The following LAMC3 variants were observed in gnomAD, a reference collection of about 807,000 sequenced individuals.
The protein encoded by LAMC3 is laminin subunit gamma 3.
LAMC3 carries 128 observed loss-of-function variants against 173.8 expected under a neutral mutation model. The ratio of observed to expected loss-of-function variants is 0.74; its 90% CI spans 0.64 to 0.85. The LOEUF is 0.85. Among genes scored for constraint, LAMC3 ranks in the 40% least tolerant of loss-of-function variants. The pLI is 0.00. For missense variants in LAMC3, 2,022 were observed against 2,156.0 expected (o/e 0.94, Z 1.23); for synonymous variants, 897 against 909.1 (o/e 0.99, Z 0.24).
intron 6 of LAMC3, among the ~76,000 whole-genome samples, chr9:131,041,006 T>C (rs1834042129): frequency 6.6e-6 from 1 of 151,944 alleles, no homozygotes; most frequent in Admixed American, 6.6e-5. Flanking sequence ...AATGGGTGGA[T>C]AGGTGGCTGC....
intron 15 of LAMC3, 58 bp downstream of exon 15, chr9:131,068,289 C>G: frequency 6.4e-7 from 1 of 1,555,322 alleles, no homozygotes; most frequent in Non-Finnish European, 8.8e-7. Flanking sequence ...AAGAAGGCAT[C>G]GGGCAGCCCC....
At position 131,073,389 on chromosome 9, in the gene LAMC3, C is replaced by T. The variant is rs76333280; in HGVS notation, c.3494+68C>T. ...TGGGGGTTCCAGGGTCAGAGTCAGC[C>T]CCACAGGTGCCCCCACCCAGAAGTT... On this transcript the variant is annotated intron_variant, in intron 20 of 27. Coordinates refer to ENST00000361069, the MANE Select transcript of LAMC3 (RefSeq NM_006059.4). 3.9e-3 allele frequency: 4,489 copies of T among 1,156,870 alleles called. 8 individuals are homozygous for T. The highest frequency in any genetic ancestry group is 4.8e-3 in the Non-Finnish European group (3,658 of 766,740). The allele number at this position is 1,156,870 out of a possible 1,614,324, so 71.7% of individuals were successfully genotyped here. A position where few individuals can be genotyped will look rare whatever the true frequency, so the allele number is the denominator to read the frequency against.
intron 8 of LAMC3, among the ~76,000 whole-genome samples, chr9:131,047,192 T>G (rs1327261813): frequency 1.8e-5 from 2 of 111,772 alleles, no homozygotes; most frequent in African/African-American, 5.6e-5. Context: ...TAAGACGGAG[T>G]CTCACTGTGT....
chr9:131,057,690 A>G (rs1829718103), intron 12 of LAMC3, among the ~76,000 whole-genome samples: 1 of 152,174 alleles, frequency 6.6e-6, no homozygotes, highest in African/African-American at 2.4e-5. Context: ...TGTAAGGTGG[A>G]GATAATGACA....
At chr9:131,086,470 C>T (rs183378175) in intron 25 of LAMC3, among the ~76,000 whole-genome samples, 1 of 151,134 alleles carries the variant, frequency 6.6e-6, no homozygotes, top group East Asian at 2.0e-4. Flanking sequence ...TACAGTAGCA[C>T]AATCACAGCT....
At chr9:131,060,725 G>A (rs1004314632) in intron 12 of LAMC3, among the ~76,000 whole-genome samples, 55 of 152,238 alleles carry the variant, frequency 3.6e-4, no homozygotes, top group Non-Finnish European at 1.5e-5. Context: ...TTGAATGCAT[G>A]GTCTTGTTGG....
chr9:131,058,607 A>G (rs1461240732), intron 12 of LAMC3, among the ~76,000 whole-genome samples: 1 of 151,344 alleles, frequency 6.6e-6, no homozygotes, highest in Non-Finnish European at 1.5e-5. Context: ...TCCTGAAAAG[A>G]CGGTAGCCAG....
At chr9:131,064,278 A>G (rs1829883105) in intron 13 of LAMC3, among the ~76,000 whole-genome samples, 3 of 152,192 alleles carry the variant, frequency 2.0e-5, no homozygotes, top group African/African-American at 7.2e-5. Flanking sequence ...TATTCTTCAC[A>G]ATGGCAGCAG....
chr9:131,069,845 G>C lies in LAMC3; in HGVS notation c.3064G>C (p.Glu1022Gln). ...TCCGTCCTGCTACGCCCTGGTGAAGGAGGAGGTGAGTCGGCCCAGACCCAC... is the reference window on the plus strand; with the variant it reads ...TCCGTCCTGCTACGCCCTGGTGAAGCAGGAGGTGAGTCGGCCCAGACCCAC... ...QCPSCYALVKEEAAKLKARLT... is the reference protein window; with the variant it reads ...QCPSCYALVKQEAAKLKARLT... Residue 1022 changes from glutamate (E) to glutamine (Q), a missense_variant, in exon 17 of 28, where the codon GAG (glutamate) becomes CAG (glutamine). Physicochemically the swap from Glu to Gln is conservative, Grantham distance 29. Coordinates refer to ENST00000361069, the MANE Select transcript of LAMC3 (RefSeq NM_006059.4). 1.3e-6 allele frequency: 2 copies of C among 1,586,962 alleles called. No individual in the cohort carries two copies. The highest frequency in any genetic ancestry group is 1.7e-6 in the Non-Finnish European group (2 of 1,166,236).
intron 7 of LAMC3, among the ~76,000 whole-genome samples, chr9:131,044,275 G>C (rs1169630706): frequency 1.3e-5 from 2 of 151,598 alleles, no homozygotes; most frequent in Admixed American, 1.3e-4. Context: ...ACTTTGGGAG[G>C]CCGAGGTGGA....
At position 131,026,470 on chromosome 9, in the gene LAMC3, G is replaced by A. The variant is rs144206115; in HGVS notation, c.559G>A (p.Val187Met). 5.9e-5 allele frequency: 95 copies of A among 1,613,382 alleles called. No homozygotes were observed. In the African/African-American group the frequency reaches 1.1e-3, roughly 18 times the overall value. ...CCTGCGCCCCGGCGAGGACGAGCGC[G>A]TGGCCTTCTGCACCTCTGAGTTCAG... ...QYLRPGEDER[V>M]AFCTSEFSDI... Residue 187 changes from valine (V) to methionine (M), a missense_variant, in exon 2 of 28, where the codon GTG becomes ATG. Coordinates refer to ENST00000361069, the MANE Select transcript of LAMC3 (RefSeq NM_006059.4). This position sits in a 1 kb window ranked among gnomAD's most constrained non-coding sequence, Gnocchi z 4.8.
chr9:131,012,432 G>A (rs1289862271), intron 1 of LAMC3, among the ~76,000 whole-genome samples: 1 of 152,236 alleles, frequency 6.6e-6, no homozygotes, highest in Non-Finnish European at 1.5e-5. Flanking sequence ...CAGTCCCTGT[G>A]TGTGACCAGC....
At chr9:131,067,541 A>G (rs1244388562) in intron 14 of LAMC3, among the ~76,000 whole-genome samples, 1 of 152,044 alleles carries the variant, frequency 6.6e-6, no homozygotes, top group Non-Finnish European at 1.5e-5. Context: ...GCCTCCCCTC[A>G]TCACCTCAGT....
chr9:131,081,128 C>G (rs905155995), intron 23 of LAMC3, among the ~76,000 whole-genome samples: 4 of 152,152 alleles, frequency 2.6e-5, no homozygotes, highest in Non-Finnish European at 5.9e-5. Context: ...TAGTCCAGCT[C>G]TTTTGCAGAA....
At chr9:131,027,457 G>C (rs1478338924) in intron 2 of LAMC3, among the ~76,000 whole-genome samples, 1 of 152,098 alleles carries the variant, frequency 6.6e-6, no homozygotes, top group African/African-American at 2.4e-5. Flanking sequence ...TAGAGCCCTG[G>C]GTCCCACGCT....
At position 131,079,066 on chromosome 9, in the gene LAMC3, C is replaced by T. The variant is rs1368446529; in HGVS notation, c.3778-83C>T. The T allele has an allele frequency of 9.1e-6, 14 of 1,542,626 alleles. No individual in the cohort carries two copies. The South Asian group carries it at 9.5e-5, about 10-fold the overall frequency. ...CAGGGGCAGACCCGCCGCCTCAGCC[C>T]AGCAGGGCACCTCCCCCAAGGAGAG... On this transcript the variant is annotated intron_variant, in intron 22 of 27. Coordinates refer to ENST00000361069, the MANE Select transcript of LAMC3 (RefSeq NM_006059.4).
chr9:131,062,371 A>G (rs1263470265), intron 13 of LAMC3, among the ~76,000 whole-genome samples: 1 of 152,100 alleles, frequency 6.6e-6, no homozygotes, highest in Non-Finnish European at 1.5e-5. Context: ...CAAAAAATAA[A>G]ATAAAGTATA....
At chr9:131,048,036 A>C in intron 8 of LAMC3, among the ~76,000 whole-genome samples, 1 of 135,384 alleles carries the variant, frequency 7.4e-6, no homozygotes, top group African/African-American at 2.9e-5. Flanking sequence ...GTGAGCCACC[A>C]CACCCAGCTG....
In LAMC3 at chr9:131,093,702, G is replaced by C. The variant is rs1461285979; in HGVS notation, c.*1915G>C. On this transcript the variant is annotated 3_prime_UTR_variant, in exon 28 of 28. Coordinates refer to ENST00000361069, the MANE Select transcript of LAMC3 (RefSeq NM_006059.4). ...CCACGTGTTGGAGATAGCCTAGGGA[G>C]GGGAGCCTGAGGCTTCCGGGATAGG... 6.6e-6 allele frequency: 1 copy of C among 152,276 alleles called. No homozygotes were observed. The highest frequency in any genetic ancestry group is 1.5e-5 in the Non-Finnish European group (1 of 68,114). The allele number at this position is 152,276 out of a possible 1,614,324, so 9.4% of individuals were successfully genotyped here. A position where few individuals can be genotyped will look rare whatever the true frequency, so the allele number is the denominator to read the frequency against.
Sources: allele counts gnomAD v4.1 joint callset (sites outside exome capture counted in the v4.1 genomes callset), GRCh38; gene constraint gnomAD v4.1.1; non-coding constraint Gnocchi (gnomAD v3.1); transcripts MANE v1.5; gene names NCBI Gene and HGNC (gene_info 2026-07-23, HGNC 2026-07-21).